The following ALG14 variants were observed in gnomAD, a reference collection of about 807,000 sequenced individuals.
ALG14 encodes ALG14 UDP-N-acetylglucosaminyltransferase subunit, also known as UDP-N-acetylglucosamine transferase subunit ALG14.
A neutral mutation model predicts 22.8 loss-of-function variants in ALG14; 17 were observed. The observed-to-expected ratio is 0.75, with a 90% CI of 0.51 to 1.12. The LOEUF (loss-of-function observed/expected upper bound fraction) is 1.12, where lower values mean the gene tolerates loss of function less well. ALG14 is among the 50% of genes most tolerant of loss of function. ALG14 has a pLI of 0.00. For missense variants in ALG14, 288 were observed against 271.8 expected (o/e 1.06, Z -0.42); for synonymous variants, 89 against 103.7 (o/e 0.86, Z 0.86).
chr1:95,033,674 G>A (rs1674096959), intron 2 of ALG14, among the ~76,000 whole-genome samples: 1 of 151,936 alleles, frequency 6.6e-6, no homozygotes, highest in Non-Finnish European at 1.5e-5. Context: ...GGGACCGAAA[G>A]GAGAGAGGAG....
chr1:95,037,101 A>G (rs780373057), intron 2 of ALG14, among the ~76,000 whole-genome samples: 8 of 152,192 alleles, frequency 5.3e-5, no homozygotes, highest in Non-Finnish European at 1.0e-4. Context: ...ATTCTGGCTC[A>G]AAAGATTTTT....
chr1:94,999,835 G>A (rs1358390681), intron 3 of ALG14, among the ~76,000 whole-genome samples: 1 of 152,106 alleles, frequency 6.6e-6, no homozygotes, highest in African/African-American at 2.4e-5. Context: ...CCCAAATCCT[G>A]CTAATTTTAC....
intron 2 of ALG14, among the ~76,000 whole-genome samples, chr1:95,058,016 G>C (rs1674996257): frequency 6.6e-6 from 1 of 151,854 alleles, no homozygotes; most frequent in Non-Finnish European, 1.5e-5. Context: ...GCCGGGCATG[G>C]TGGGATCACC....
At chr1:95,050,618 G>T (rs2100813528) in intron 2 of ALG14, among the ~76,000 whole-genome samples, 1 of 152,278 alleles carries the variant, frequency 6.6e-6, no homozygotes, top group Non-Finnish European at 1.5e-5. Flanking sequence ...AGAAGAAAAT[G>T]AAAAGGGAAC....
chr1:94,987,287 G>C (rs1672668338), intron 3 of ALG14, among the ~76,000 whole-genome samples: 1 of 151,872 alleles, frequency 6.6e-6, no homozygotes, highest in Non-Finnish European at 1.5e-5. Context: ...TTTGAATCAG[G>C]ATTTCTGTCA....
At chr1:95,035,357 C>T (rs1490465594) in intron 2 of ALG14, among the ~76,000 whole-genome samples, 1 of 152,160 alleles carries the variant, frequency 6.6e-6, no homozygotes, top group African/African-American at 2.4e-5. Flanking sequence ...TAGAAGAAAA[C>T]ATATTTTAGT....
At position 94,980,618 on chromosome 1, in the gene ALG14, TGCCACCA is replaced by T. The variant is rs1672476608; in HGVS notation, c.*2451_*2457del. The T allele has an allele frequency of 6.6e-6, 1 of 152,194 alleles. No individual in the cohort carries two copies. The highest frequency in any genetic ancestry group is 2.1e-4 in the South Asian group (1 of 4,824). The allele number at this position is 152,194 out of a possible 1,614,324, so 9.4% of individuals were successfully genotyped here. A position where few individuals can be genotyped will look rare whatever the true frequency, so the allele number is the denominator to read the frequency against. The stretch of plus-strand genomic sequence containing the variant: ...ACAGAAATGCACAGCAGGGAAATTG[TGCCACCA>T]GCCCCCTCTGCTAATGGGACCTTGA... On this transcript the variant is annotated 3_prime_UTR_variant, in exon 4 of 4. Transcript: ENST00000370205.
At position 94,983,005 on chromosome 1, in the gene ALG14, GT is replaced by G. The variant is rs547996899; in HGVS notation, c.*70del. ...GACGCCTTTACAAGAAACATGTAGG[GT>G]TTTTTTCCCCCCAATTTGAGTACAT... On this transcript the variant is annotated 3_prime_UTR_variant, in exon 4 of 4. Transcript: ENST00000370205. The G allele has an allele frequency of 1.2e-3, 1,649 of 1,336,836 alleles. 18 individuals are homozygous for G. The Middle Eastern group carries it at 0.019, about 15-fold the overall frequency. The allele number at this position is 1,336,836 out of a possible 1,614,324, so 82.8% of individuals were successfully genotyped here.
At chr1:95,056,495 A>T (rs1674937889) in intron 2 of ALG14, among the ~76,000 whole-genome samples, 1 of 151,694 alleles carries the variant, frequency 6.6e-6, no homozygotes, top group South Asian at 2.1e-4. Flanking sequence ...AAATACAAAA[A>T]TTAGCCAGGT....
At chr1:95,071,499 C>G (rs922867139) in intron 1 of ALG14, among the ~76,000 whole-genome samples, 2 of 152,024 alleles carry the variant, frequency 1.3e-5, no homozygotes, top group South Asian at 2.1e-4. Context: ...GCTGAGACTG[C>G]GCCACTGCCC....
At position 94,975,198 on chromosome 1, in the gene ALG14, G is replaced by C. The variant is rs1349396463; in HGVS notation, c.*7878C>G. The C allele has an allele frequency of 1.3e-5, 2 of 152,196 alleles. No individual in the cohort carries two copies. The highest frequency in any genetic ancestry group is 1.9e-4 in the East Asian group (1 of 5,186). The allele number at this position is 152,196 out of a possible 1,614,324, so 9.4% of individuals were successfully genotyped here. ...CCTGGAAACCACTAAGCTACTTTCT[G>C]TCTATGGACTTGCCTACTCTGGACA... On this transcript the variant is annotated 3_prime_UTR_variant, in exon 4 of 4. Coordinates refer to ENST00000370205, the MANE Select transcript of ALG14 (RefSeq NM_144988.4).
At chr1:95,010,276 C>T (rs1312014379) in intron 3 of ALG14, among the ~76,000 whole-genome samples, 2 of 152,222 alleles carry the variant, frequency 1.3e-5, no homozygotes, top group Non-Finnish European at 1.5e-5. Context: ...TAATTTTCCT[C>T]TTCAACTATT....
intron 3 of ALG14, among the ~76,000 whole-genome samples, chr1:94,994,888 A>G (rs1263874105): frequency 1.3e-5 from 2 of 152,236 alleles, no homozygotes; most frequent in African/African-American, 4.8e-5. Flanking sequence ...TATTACAGTA[A>G]TATGGATTAG....
chr1:95,026,094 G>A lies in ALG14; in HGVS notation c.420+1035C>T, dbSNP rs554780993. On this transcript the variant is annotated intron_variant, in intron 3 of 3. Coordinates refer to ENST00000370205, the MANE Select transcript of ALG14 (RefSeq NM_144988.4). ...ACTACAGGCGCCCACCACCACGGCC[G>A]GCAAATCTTTTGTATTTTTAGTAGA... Among the ~76,000 whole-genome samples the A allele has an allele frequency of 1.9e-3, 286 of 152,156 alleles. 2 individuals carry two copies. Among genetic ancestry groups the A allele is most frequent in the Non-Finnish European group, 2.5e-3 (171 of 67,996 alleles).
chr1:95,069,666 G>T (rs1188719176), intron 1 of ALG14, among the ~76,000 whole-genome samples: 1 of 152,014 alleles, frequency 6.6e-6, no homozygotes, highest in Non-Finnish European at 1.5e-5. Context: ...AGTAGTGTTG[G>T]GACTTAGAAA....
chr1:95,018,263 C>T (rs896679445), intron 3 of ALG14, among the ~76,000 whole-genome samples: 4 of 152,000 alleles, frequency 2.6e-5, no homozygotes, highest in Non-Finnish European at 4.4e-5. Context: ...TGGCCAGGCG[C>T]GGTGGTTCAG....
intron 3 of ALG14, among the ~76,000 whole-genome samples, chr1:95,002,745 C>T (rs961209706): frequency 1.3e-4 from 20 of 152,204 alleles, no homozygotes; most frequent in African/African-American, 4.6e-4. Flanking sequence ...CTTCCCCACT[C>T]CCACTGTTTG....
chr1:95,062,418 A>G (rs1675195288), intron 2 of ALG14, among the ~76,000 whole-genome samples: 1 of 152,130 alleles, frequency 6.6e-6, no homozygotes, highest in Non-Finnish European at 1.5e-5. Flanking sequence ...TCCAGCATCC[A>G]CTAACTATTC....
chr1:94,981,851 G>T lies in ALG14; in HGVS notation c.*1225C>A, dbSNP rs758812017. On this transcript the variant is annotated 3_prime_UTR_variant, in exon 4 of 4. Coordinates refer to ENST00000370205, the MANE Select transcript of ALG14 (RefSeq NM_144988.4). ...ACAGTCTCAAGCAGGACCAGCGAAAGAATTCAGAGGGTCTAAAATATAAGT... is the reference window on the plus strand; with the variant it reads ...ACAGTCTCAAGCAGGACCAGCGAAATAATTCAGAGGGTCTAAAATATAAGT... 1 of 151,780 alleles carries T rather than the reference G, an allele frequency of 6.6e-6. No homozygotes were observed. Among genetic ancestry groups the T allele is most frequent in the Admixed American group, 6.6e-5 (1 of 15,242 alleles). The allele number at this position is 151,780 out of a possible 1,614,324, so 9.4% of individuals were successfully genotyped here.
Sources: gnomAD v4.1 joint callset for allele counts (sites outside exome capture counted in the v4.1 genomes callset) on GRCh38, gnomAD v4.1.1 for gene constraint, MANE v1.5 for transcripts, NCBI Gene and HGNC (gene_info 2026-07-23, HGNC 2026-07-21) for gene names.